Variants in RYR2 observed in about 807,000 individuals in gnomAD.
The protein encoded by RYR2 is cardiac muscle ryanodine receptor-calcium release channel.
In RYR2, 227 loss-of-function variants were observed where a neutral mutation model predicts 601.1. That is an observed-to-expected ratio of 0.38 (90% CI 0.34 to 0.42). RYR2 has a LOEUF of 0.42. Among genes scored for constraint, RYR2 ranks in the 10% least tolerant of loss-of-function variants. RYR2 has a pLI of 1.00. For missense variants in RYR2, 4,646 were observed against 6,156.5 expected, an observed-to-expected ratio of 0.75 and a Z score of 8.21; for synonymous variants, 2,223 against 2,175.1, an observed-to-expected ratio of 1.02 and a Z score of -0.61.
At chr1:237,119,535 C>T (rs1670541829) in intron 1 of RYR2, among the ~76,000 whole-genome samples, 1 of 152,188 alleles carries the variant, frequency 6.6e-6, no homozygotes, top group Admixed American at 6.5e-5. Context: ...GACAGATATC[C>T]AGGTGCAGTG....
At chr1:237,511,026 C>G (rs549463214) in intron 23 of RYR2, among the ~76,000 whole-genome samples, 2 of 152,190 alleles carry the variant, frequency 1.3e-5, no homozygotes, top group East Asian at 3.9e-4. Context: ...TCAGTCCTGT[C>G]GTTAATTGAT....
At chr1:237,514,096 C>T (rs561562884) in intron 24 of RYR2, among the ~76,000 whole-genome samples, 3 of 152,156 alleles carry the variant, frequency 2.0e-5, no homozygotes, top group South Asian at 2.1e-4. Context: ...TCTTCCTTTG[C>T]GCTCTTGACA....
Position 237,530,482 on chromosome 1 carries a change from A to G in RYR2, c.2878A>G (p.Lys960Glu). ...TATATCAGATGAACATGCTGAAGACAAGGTGAAAAAAATGAAGCTACCCAA... is the reference window on the plus strand; with the variant it reads ...TATATCAGATGAACATGCTGAAGACGAGGTGAAAAAAATGAAGCTACCCAA... ...VGISDEHAED[K>E]VKKMKLPKNY... The change falls in exon 25 of 105, where the codon AAG (lysine) becomes GAG (glutamate). Residue 960 changes from lysine to glutamate, a missense_variant. Physicochemically the swap from Lys to Glu is moderately conservative, Grantham distance 56 (BLOSUM62 1). This residue lies in a region of RYR2 where 1,807 missense variants were observed against 2,088.1 expected (regional missense o/e 0.87). Transcript: ENST00000366574. The G allele has an allele frequency of 6.2e-7, 1 of 1,607,358 alleles. No individual in the cohort carries two copies. Among genetic ancestry groups the G allele is most frequent in the Non-Finnish European group, 8.5e-7 (1 of 1,176,668 alleles).
At chr1:237,388,641 A>G (rs1012599713) in intron 10 of RYR2, among the ~76,000 whole-genome samples, 1 of 152,164 alleles carries the variant, frequency 6.6e-6, no homozygotes, top group Non-Finnish European at 1.5e-5. Context: ...ACTTTCTCTC[A>G]TATTTAATCT....
intron 37 of RYR2, 118 bp from the exon 38 acceptor site, chr1:237,617,168 A>G: frequency 1.1e-6 from 1 of 946,614 alleles, no homozygotes; most frequent in Non-Finnish European, 1.6e-6. Context: ...CAAAATCAGG[A>G]TTCTGTTTCT....
intron 99 of RYR2, 91 bp downstream of exon 99, chr1:237,806,374 T>A: frequency 7.7e-7 from 1 of 1,298,232 alleles, no homozygotes; most frequent in Non-Finnish European, 1.1e-6. Context: ...AATGACAATG[T>A]ACAGTTTTAA....
At chr1:237,246,565 T>C (rs753214786) in intron 1 of RYR2, among the ~76,000 whole-genome samples, 1 of 152,144 alleles carries the variant, frequency 6.6e-6, no homozygotes, top group African/African-American at 2.4e-5. Flanking sequence ...GCCTCCCGAG[T>C]AGCTAGGACT....
intron 1 of RYR2, among the ~76,000 whole-genome samples, chr1:237,175,226 G>A (rs528754188): frequency 6.6e-6 from 1 of 152,270 alleles, no homozygotes; most frequent in African/African-American, 2.4e-5. Context: ...AATCTGGATA[G>A]TGTCCCCTTA....
intron 1 of RYR2, among the ~76,000 whole-genome samples, chr1:237,199,907 T>A (rs1680989490): frequency 6.6e-6 from 1 of 152,218 alleles, no homozygotes; most frequent in South Asian, 2.1e-4. Flanking sequence ...AAATTCCAAA[T>A]TGTGCCAATT....
chr1:237,423,392 C>T, intron 12 of RYR2, 144 bp downstream of exon 12: 1 of 1,015,838 alleles, frequency 9.8e-7, no homozygotes, highest in Non-Finnish European at 1.4e-6. Flanking sequence ...CTCTTCCATA[C>T]ATTCCTCTCT....
chr1:237,616,804 A>G (rs1372143698), intron 37 of RYR2, among the ~76,000 whole-genome samples: 2 of 152,308 alleles, frequency 1.3e-5, no homozygotes, highest in East Asian at 1.9e-4. Context: ...ACAGTTCCAC[A>G]TGGCTGGGGA....
intron 1 of RYR2, among the ~76,000 whole-genome samples, chr1:237,064,127 T>G (rs1319282673): frequency 6.6e-6 from 1 of 152,180 alleles, no homozygotes; most frequent in African/African-American, 2.4e-5. Context: ...ATGATAGATA[T>G]TTTGCTCCTT....
At chr1:237,666,662 A>G (rs1174465048) in intron 57 of RYR2, 73 bp downstream of exon 57, 1 of 1,203,908 alleles carries the variant, frequency 8.3e-7, no homozygotes, top group Non-Finnish European at 1.2e-6. Flanking sequence ...GCTTTCCTGC[A>G]TATATTTGGC....
intron 1 of RYR2, among the ~76,000 whole-genome samples, chr1:237,175,200 T>G (rs1677885142): frequency 6.6e-6 from 1 of 152,228 alleles, no homozygotes; most frequent in Non-Finnish European, 1.5e-5. Flanking sequence ...CCATATAACC[T>G]CTACAAATCA....
intron 1 of RYR2, among the ~76,000 whole-genome samples, chr1:237,081,638 C>T (rs1665686063): frequency 6.6e-6 from 1 of 151,986 alleles, no homozygotes; most frequent in South Asian, 2.1e-4. Flanking sequence ...CTCTCTCTCT[C>T]CCTCTCTCTG....
chr1:237,788,810 GCTCT>G (rs201797290), intron 92 of RYR2, among the ~76,000 whole-genome samples: 463 of 152,038 alleles, frequency 3.0e-3, no homozygotes, highest in African/African-American at 7.9e-3. Flanking sequence ...AAAAGGTATA[GCTCT>G]CTCTATGTCT....
chr1:237,798,722 C>T (rs896890865), intron 97 of RYR2, among the ~76,000 whole-genome samples: 1 of 151,716 alleles, frequency 6.6e-6, no homozygotes, highest in Non-Finnish European at 1.5e-5. Flanking sequence ...ATACTGCTTT[C>T]ATGGAATAAT....
intron 12 of RYR2, among the ~76,000 whole-genome samples, chr1:237,429,865 ATCTT>A (rs1469391915): frequency 3.3e-5 from 5 of 152,160 alleles, no homozygotes; most frequent in Non-Finnish European, 5.9e-5. Flanking sequence ...AGTTAATTTC[ATCTT>A]TCTTTGTCAT....
chr1:237,662,340 A>G (rs1188033408), intron 56 of RYR2, among the ~76,000 whole-genome samples: 3 of 152,058 alleles, frequency 2.0e-5, no homozygotes, highest in African/African-American at 7.2e-5. Context: ...GTACTAGATA[A>G]TAAGAATACA....
Sources: allele counts gnomAD v4.1 joint callset (sites outside exome capture counted in the v4.1 genomes callset), GRCh38; gene constraint gnomAD v4.1.1; regional missense constraint gnomAD v4.1.1; transcripts MANE v1.5; gene names NCBI Gene and HGNC (gene_info 2026-07-23, HGNC 2026-07-21).